The following SLC7A7 variants were observed in gnomAD, a reference collection of about 807,000 sequenced individuals.
SLC7A7 encodes solute carrier family 7 member 7.
Under a neutral mutation model 47.9 loss-of-function variants are expected in SLC7A7, and 39 were observed. That is an observed-to-expected ratio of 0.81 (90% CI 0.63 to 1.06). The LOEUF is 1.06. SLC7A7 is among the 50% of genes least tolerant of loss of function. The pLI, the probability that SLC7A7 is intolerant of heterozygous loss-of-function variation, is 0.00. For synonymous variants in SLC7A7, 234 were observed against 242.8 expected (o/e 0.96, Z 0.34); for missense variants, 588 against 632.0 (o/e 0.93, Z 0.75).
chr14:22,815,776 G>A (rs1397830164), upstream of SLC7A7: 1 of 430,288 alleles, frequency 2.3e-6, no homozygotes, highest in Non-Finnish European at 4.7e-6. Flanking sequence ...GGAATACACA[G>A]CACTCTCTCT....
intron 2 of SLC7A7, among the ~76,000 whole-genome samples, chr14:22,808,397 C>A (rs1220672025): frequency 6.6e-6 from 1 of 152,188 alleles, no homozygotes; most frequent in African/African-American, 2.4e-5. Context: ...TGTATGAAAG[C>A]TCTAAATTAA....
intron 2 of SLC7A7, among the ~76,000 whole-genome samples, chr14:22,804,383 C>T (rs1308333378): frequency 1.3e-5 from 2 of 152,086 alleles, no homozygotes; most frequent in African/African-American, 4.8e-5. Context: ...AACTAAAGAG[C>T]TTCTGCACAG....
chr14:22,801,398 A>G (rs537189900), intron 2 of SLC7A7, among the ~76,000 whole-genome samples: 1 of 152,186 alleles, frequency 6.6e-6, no homozygotes, highest in East Asian at 1.9e-4. Flanking sequence ...AAACTTCTAC[A>G]GGAATGGTTT....
Position 22,775,811 on chromosome 14 carries a change from TCA to T in SLC7A7, c.998+20_998+21del. 6.4e-7 allele frequency: 1 copy of T among 1,561,392 alleles called. No individual in the cohort carries two copies. The highest frequency in any genetic ancestry group is 8.8e-7 in the Non-Finnish European group (1 of 1,132,084). The stretch of plus-strand genomic sequence containing the variant: ...GCATAGCCCTTTGATGATACACCCC[TCA>T]CAAAAGTTGCCACTCTTACCTAGAA... On this transcript the variant is annotated intron_variant, in intron 6 of 9. Transcript: ENST00000674313.
intron 2 of SLC7A7, among the ~76,000 whole-genome samples, chr14:22,806,074 G>A (rs1285762072): frequency 2.4e-4 from 33 of 140,364 alleles, no homozygotes; most frequent in Non-Finnish European, 2.0e-4. Flanking sequence ...CTGGGATCTC[G>A]GCTCACTGCA....
intron 2 of SLC7A7, among the ~76,000 whole-genome samples, chr14:22,787,214 T>A (rs1299755942): frequency 2.0e-5 from 3 of 151,818 alleles, no homozygotes. Context: ...GGAGGGAGGA[T>A]CACCTGAGGT....
At chr14:22,778,080 C>CA (rs573593688) in intron 4 of SLC7A7, among the ~76,000 whole-genome samples, 175 of 152,124 alleles carry the variant, frequency 1.2e-3, no homozygotes, top group Middle Eastern at 3.4e-3. Context: ...CTCCAAAAAA[C>CA]AAAAAACATT....
chr14:22,787,761 AAATTTTTTTAAT>A (rs1440435879), intron 2 of SLC7A7, among the ~76,000 whole-genome samples: 114 of 150,058 alleles, frequency 7.6e-4, no homozygotes, highest in Middle Eastern at 7.0e-3. Flanking sequence ...GTCTCAAAAA[AAATTTTTTTAAT>A]AAAAAAATTA....
chr14:22,795,404 TTC>T lies in SLC7A7; in HGVS notation c.500-15355_500-15354del, dbSNP rs1429089304. On this transcript the variant is annotated intron_variant, in intron 2 of 9. Coordinates refer to ENST00000674313, the MANE Select transcript of SLC7A7 (RefSeq NM_003982.4). Reference sequence around the variant, plus strand: ...TTGCTTGCTTTCTTTCTTTCTTTCTTTCTTTCTTTCTTTCTTTCTTTCTTTCT... The same window carrying T: ...TTGCTTGCTTTCTTTCTTTCTTTCTTTTTCTTTCTTTCTTTCTTTCTTTCT... Among the ~76,000 whole-genome samples, 479 of 96,176 alleles carry T rather than the reference TTC, an allele frequency of 5.0e-3. 5 individuals are homozygous for T. The highest frequency in any genetic ancestry group is 0.024 in the African/African-American group (449 of 18,558). The allele number at this position is 96,176 out of a possible 152,430, so 63.1% of individuals were successfully genotyped here. A position where few individuals can be genotyped will look rare whatever the true frequency, so the allele number is the denominator to read the frequency against.
intron 4 of SLC7A7, among the ~76,000 whole-genome samples, chr14:22,777,003 C>T (rs1268355490): frequency 7.3e-5 from 11 of 150,092 alleles, no homozygotes; most frequent in Admixed American, 5.3e-4. Context: ...ATTAGCCAAG[C>T]GTGGTGGTGC....
intron 2 of SLC7A7, among the ~76,000 whole-genome samples, chr14:22,801,972 C>G (rs2039122969): frequency 6.6e-6 from 1 of 152,220 alleles, no homozygotes; most frequent in South Asian, 2.1e-4. Context: ...TTCCTAAATT[C>G]CAAAGAGCAT....
At chr14:22,800,082 G>A (rs1337417003) in intron 2 of SLC7A7, among the ~76,000 whole-genome samples, 1 of 152,126 alleles carries the variant, frequency 6.6e-6, no homozygotes, top group African/African-American at 2.4e-5. Flanking sequence ...CATGACTCTA[G>A]TCCAAGCCAC....
chr14:22,776,289 A>G lies in SLC7A7; in HGVS notation c.800T>C (p.Met267Thr). ...GATATAGATGATGGTGACAATGGGC[A>G]TGGAGATGCCAATGGAGAGGGGCAG... ...RNLPLSIGIS[M>T]PIVTIIYILT... is the part of the protein sequence containing the mutation. The change falls in exon 5 of 10, where the codon ATG becomes ACG. Residue 267 changes from methionine (M) to threonine (T), a missense_variant. Transcript: ENST00000674313. The G allele has an allele frequency of 6.2e-7, 1 of 1,614,284 alleles. No individual in the cohort carries two copies. The highest frequency in any genetic ancestry group is 8.5e-7 in the Non-Finnish European group (1 of 1,180,052).
chr14:22,780,128 T>C, intron 2 of SLC7A7, 77 bp from the exon 3 acceptor site: 1 of 1,592,478 alleles, frequency 6.3e-7, no homozygotes, highest in East Asian at 2.2e-5. Context: ...ATTTTTCCAG[T>C]ACCAGTCACC....
intron 2 of SLC7A7, among the ~76,000 whole-genome samples, chr14:22,795,545 G>A (rs1028586824): frequency 6.6e-6 from 1 of 151,066 alleles, no homozygotes; most frequent in Non-Finnish European, 1.5e-5. Context: ...TGCAATCTCG[G>A]CTCACTGCAA....
chr14:22,795,891 A>AAAAAGAAAGGAACATAG (rs2039014760), intron 2 of SLC7A7, among the ~76,000 whole-genome samples: 1 of 152,098 alleles, frequency 6.6e-6, no homozygotes, highest in Non-Finnish European at 1.5e-5. Flanking sequence ...AGGCAGAGAG[A>AAAAAGAAAGGAACATAG]AAAAGAAAGG....
intron 8 of SLC7A7, 60 bp from the exon 9 acceptor site, chr14:22,774,176 A>G: frequency 6.2e-7 from 1 of 1,600,778 alleles, no homozygotes; most frequent in Non-Finnish European, 8.6e-7. Flanking sequence ...AGCTAAAATA[A>G]CCCCACCTCC....
intron 2 of SLC7A7, among the ~76,000 whole-genome samples, chr14:22,805,506 T>A (rs932534499): frequency 6.6e-6 from 1 of 152,218 alleles, no homozygotes; most frequent in Non-Finnish European, 1.5e-5. Flanking sequence ...AGCAAACTAA[T>A]GTAGGAACAG....
At chr14:22,799,341 G>GTGGA (rs1479371817) in intron 2 of SLC7A7, among the ~76,000 whole-genome samples, 10 of 150,554 alleles carry the variant, frequency 6.6e-5, no homozygotes, top group Non-Finnish European at 1.3e-4. Context: ...TCAAATGTGG[G>GTGGA]TATTCCTCAG....
Sources: gnomAD v4.1 joint callset for allele counts (sites outside exome capture counted in the v4.1 genomes callset) on GRCh38, gnomAD v4.1.1 for gene constraint, MANE v1.5 for transcripts, NCBI Gene and HGNC (gene_info 2026-07-23, HGNC 2026-07-21) for gene names.